The following MAP2K6 variants were observed in gnomAD, a reference collection of about 807,000 sequenced individuals.
The protein encoded by MAP2K6 is dual specificity mitogen-activated protein kinase kinase 6.
A neutral mutation model predicts 53.7 loss-of-function variants in MAP2K6; 16 were observed. That is an observed-to-expected ratio of 0.30 (90% confidence interval 0.20 to 0.45). MAP2K6 has a LOEUF of 0.45. MAP2K6 is among the 20% of genes least tolerant of loss of function. MAP2K6 has a pLI of 1.00. For missense variants in MAP2K6, 204 were observed against 411.9 expected (o/e 0.50, Z 4.37); for synonymous variants, 132 against 143.1 (o/e 0.92, Z 0.55).
chr17:69,515,031 G>A (rs1252447442), intron 2 of MAP2K6, among the ~76,000 whole-genome samples: 1 of 151,986 alleles, frequency 6.6e-6, no homozygotes, highest in Non-Finnish European at 1.5e-5. Flanking sequence ...TGCTTCCAGA[G>A]AGACATGAGT....
intron 1 of MAP2K6, among the ~76,000 whole-genome samples, chr17:69,442,014 A>G (rs1206706814): frequency 6.6e-6 from 1 of 152,134 alleles, no homozygotes; most frequent in Non-Finnish European, 1.5e-5. Context: ...ACCACTGAAC[A>G]GTGGTAGAGG....
chr17:69,503,373 G>C (rs919736122), intron 1 of MAP2K6, among the ~76,000 whole-genome samples: 1 of 152,102 alleles, frequency 6.6e-6, no homozygotes, highest in South Asian at 2.1e-4. Context: ...CATAGTTCCT[G>C]GTACATAGGA....
rs1360201595 is a variant in MAP2K6, at chr17:69,546,571, C to T, written c.*4818C>T. 2 of 152,068 alleles carry T rather than the reference C, an allele frequency of 1.3e-5. No homozygotes were observed. The highest frequency in any genetic ancestry group is 2.4e-5 in the African/African-American group (1 of 41,390). 9.4% of individuals were successfully genotyped at this position (152,068 alleles called of 1,614,324 possible). On this transcript the variant is annotated 3_prime_UTR_variant, in exon 12 of 12. Transcript: ENST00000590474. ...TCTAACAAAACACTTTTTTCTTTGG[C>T]CTGAAAGGACAATGGATACCTAGTT... is the stretch of plus-strand genomic sequence containing the variant.
chr17:69,528,109 CAAAA>C (rs71357724), intron 10 of MAP2K6, among the ~76,000 whole-genome samples: 3 of 75,722 alleles, frequency 4.0e-5, no homozygotes, highest in African/African-American at 1.7e-4. Context: ...AACTTCGTCT[CAAAA>C]AAAAAAAAAA....
chr17:69,530,488 G>A (rs1204093779), intron 10 of MAP2K6, among the ~76,000 whole-genome samples: 2 of 152,102 alleles, frequency 1.3e-5, no homozygotes, highest in Admixed American at 1.3e-4. Flanking sequence ...AAGAATATCA[G>A]TTGTCTAAAA....
At chr17:69,466,236 GA>G (rs916164303) in intron 1 of MAP2K6, among the ~76,000 whole-genome samples, 1 of 149,504 alleles carries the variant, frequency 6.7e-6, no homozygotes, top group African/African-American at 2.5e-5. Context: ...AGGTTGCAGT[GA>G]GCCAAGAGCA....
At position 69,505,776 on chromosome 17, in the gene MAP2K6, A is replaced by G. The variant is rs1233596701; in HGVS notation, c.17-4A>G. On this transcript the variant is annotated splice_polypyrimidine_tract_variant and splice_region_variant and intron_variant, in intron 1 of 11. Transcript: ENST00000590474. ...TAACTTTTTCCTTTTGTCTTTCCCCATAGGCAAGAAGCGAAACCCTGGCCT... is the reference window on the plus strand; with the variant it reads ...TAACTTTTTCCTTTTGTCTTTCCCCGTAGGCAAGAAGCGAAACCCTGGCCT... The G allele has an allele frequency of 6.2e-7, 1 of 1,612,738 alleles. No individual in the cohort carries two copies.
chr17:69,466,899 A>G (rs1203035569), intron 1 of MAP2K6, among the ~76,000 whole-genome samples: 1 of 152,146 alleles, frequency 6.6e-6, no homozygotes, highest in Non-Finnish European at 1.5e-5. Context: ...AATATTGTGT[A>G]TCTGGGAAAT....
Position 69,427,153 on chromosome 17 carries a change from C to A in MAP2K6, c.16+12153C>A, listed in dbSNP as rs528749929. 5.9e-5 allele frequency among the ~76,000 whole-genome samples: 9 copies of A among 152,144 alleles called. No individual in the cohort carries two copies. In the East Asian group the frequency reaches 7.7e-4, roughly 13 times the overall value. On this transcript the variant is annotated intron_variant, in intron 1 of 11. Transcript: ENST00000590474. ...CGGCTGTAATTTTCATTTTTTATAA[C>A]CTGCTAACATGCCAACCTGCCTTTT...
chr17:69,426,053 TTTTG>T (rs775630097), intron 1 of MAP2K6, among the ~76,000 whole-genome samples: 6 of 152,126 alleles, frequency 3.9e-5, no homozygotes, highest in Non-Finnish European at 7.4e-5. Context: ...CAACAAAGGT[TTTTG>T]TTTGTTTGTT....
Position 69,442,364 on chromosome 17 carries a change from C to T in MAP2K6, c.16+27364C>T, listed in dbSNP as rs75888702. Among the ~76,000 whole-genome samples the T allele has an allele frequency of 2.7e-3, 412 of 152,074 alleles. 1 individual carries two copies. The highest frequency in any genetic ancestry group is 9.1e-3 in the African/African-American group (379 of 41,456). Reference sequence around the variant, plus strand: ...CCAGATCTTGCTCCCTAGATCTTGCCTCTCCTTGGATCCTTAATCCTGATG... The same window carrying T: ...CCAGATCTTGCTCCCTAGATCTTGCTTCTCCTTGGATCCTTAATCCTGATG... On this transcript the variant is annotated intron_variant, in intron 1 of 11. Transcript: ENST00000590474.
At chr17:69,458,517 C>T (rs75592584) in intron 1 of MAP2K6, among the ~76,000 whole-genome samples, 2,278 of 152,276 alleles carry the variant, frequency 0.015, 57 homozygotes, top group African/African-American at 0.052. Flanking sequence ...CTTTAGTTGT[C>T]TCTGATTTTC....
At chr17:69,461,378 G>A (rs1387914043) in intron 1 of MAP2K6, among the ~76,000 whole-genome samples, 1 of 152,190 alleles carries the variant, frequency 6.6e-6, no homozygotes, top group Non-Finnish European at 1.5e-5. Flanking sequence ...GAAAGAATGA[G>A]GGCAGTGACT....
At chr17:69,476,972 T>C (rs774008367) in intron 1 of MAP2K6, among the ~76,000 whole-genome samples, 1 of 152,188 alleles carries the variant, frequency 6.6e-6, no homozygotes, top group Non-Finnish European at 1.5e-5. Context: ...CTGGCTGACA[T>C]CCACAGGGGA....
chr17:69,447,215 G>C (rs1021164916), intron 1 of MAP2K6, among the ~76,000 whole-genome samples: 1 of 152,018 alleles, frequency 6.6e-6, no homozygotes, highest in Non-Finnish European at 1.5e-5. Flanking sequence ...CTGACCTCAG[G>C]TGGTCCACCC....
intron 10 of MAP2K6, among the ~76,000 whole-genome samples, chr17:69,535,285 A>AAT (rs1489005475): frequency 6.6e-6 from 1 of 152,192 alleles, no homozygotes; most frequent in African/African-American, 2.4e-5. Flanking sequence ...ATAAACAAGT[A>AAT]GTATTACCTT....
intron 4 of MAP2K6, 70 bp downstream of exon 4, chr17:69,517,683 A>G: frequency 2.8e-6 from 3 of 1,053,256 alleles, no homozygotes; most frequent in Non-Finnish European, 4.0e-6. Context: ...ATTGTCAACC[A>G]GCCCTTTTAA....
intron 1 of MAP2K6, among the ~76,000 whole-genome samples, chr17:69,432,898 C>T (rs1186224730): frequency 5.9e-5 from 9 of 151,402 alleles, no homozygotes; most frequent in Non-Finnish European, 1.3e-4. Context: ...AGACTCAGAC[C>T]ATATACACTA....
chr17:69,490,927 C>T (rs1056493198), intron 1 of MAP2K6, among the ~76,000 whole-genome samples: 2 of 151,850 alleles, frequency 1.3e-5, no homozygotes, highest in African/African-American at 2.4e-5. Context: ...TCCGTGTGTT[C>T]TCATCATTTA....
Sources: allele counts gnomAD v4.1 joint callset (sites outside exome capture counted in the v4.1 genomes callset), GRCh38; gene constraint gnomAD v4.1.1; transcripts MANE v1.5; gene names NCBI Gene and HGNC (gene_info 2026-07-23, HGNC 2026-07-21).